USP34: variants seen among roughly 807,000 people sequenced by gnomAD.
USP34 encodes the protein ubiquitin carboxyl-terminal hydrolase 34.
Under a neutral mutation model 460.3 loss-of-function variants are expected in USP34, and 70 were observed. The observed-to-expected ratio is 0.15, with a 90% CI of 0.13 to 0.19. USP34 has a LOEUF of 0.19. Ranked by LOEUF, USP34 falls within the 10% of genes least tolerant of loss-of-function variation. The pLI is 1.00. For synonymous variants in USP34, 1,647 were observed against 1,405.3 expected, an observed-to-expected ratio of 1.17 and a Z score of -3.85; for missense variants, 3,985 against 4,236.2, an observed-to-expected ratio of 0.94 and a Z score of 1.65.
At chr2:61,195,299 C>A (rs774153133) in intron 75 of USP34, among the ~76,000 whole-genome samples, 2 of 151,314 alleles carry the variant, frequency 1.3e-5, no homozygotes, top group South Asian at 2.1e-4. Context: ...CTTGCATTGG[C>A]CTTTGAAAGT....
intron 2 of USP34, among the ~76,000 whole-genome samples, chr2:61,407,506 T>C (rs1693912193): frequency 6.6e-6 from 1 of 152,214 alleles, no homozygotes; most frequent in Non-Finnish European, 1.5e-5. Context: ...TCAAAACAAC[T>C]ATATTGTAGT....
intron 19 of USP34, among the ~76,000 whole-genome samples, chr2:61,333,385 A>C (rs919160182): frequency 6.6e-6 from 1 of 152,088 alleles, no homozygotes; most frequent in South Asian, 2.1e-4. Flanking sequence ...AAATGCTCCA[A>C]TGAATATTTC....
At chr2:61,445,175 A>G (rs1200800394) in intron 1 of USP34, among the ~76,000 whole-genome samples, 1 of 147,320 alleles carries the variant, frequency 6.8e-6, no homozygotes, top group East Asian at 2.0e-4. Context: ...AAACACACAC[A>G]CACAAAAAAA....
intron 21 of USP34, among the ~76,000 whole-genome samples, chr2:61,321,574 G>A (rs1232123072): frequency 6.6e-6 from 1 of 152,194 alleles, no homozygotes; most frequent in African/African-American, 2.4e-5. Context: ...CTAAATGAAT[G>A]TACCAGAAAC....
intron 1 of USP34, among the ~76,000 whole-genome samples, chr2:61,466,877 C>G (rs1243500325): frequency 6.7e-6 from 1 of 150,118 alleles, no homozygotes; most frequent in African/African-American, 2.5e-5. Context: ...GCATTCCAGC[C>G]TGGGTGAGAG....
chr2:61,414,772 A>G (rs1341244292), intron 2 of USP34, among the ~76,000 whole-genome samples: 1 of 152,168 alleles, frequency 6.6e-6, no homozygotes, highest in Non-Finnish European at 1.5e-5. Flanking sequence ...GGGTTTAAAT[A>G]CCCTCTAGAG....
In USP34 at chr2:61,265,968, AAAG is replaced by A. The variant is rs746253103; in HGVS notation, c.5617+13_5617+15del. 24 of 1,539,904 alleles carry A rather than the reference AAAG, an allele frequency of 1.6e-5. No homozygotes were observed. Among genetic ancestry groups the A allele is most frequent in the Non-Finnish European group, 2.0e-5 (23 of 1,136,242 alleles). On this transcript the variant is annotated intron_variant, in intron 42 of 79. Coordinates refer to ENST00000398571, the MANE Select transcript of USP34 (RefSeq NM_014709.4). ...TTCAAAATCTATAAAGATTAAAGGAAAAGAAGAATGCTTACACTGCATGTGTTG... is the reference window on the plus strand; with the variant it reads ...TTCAAAATCTATAAAGATTAAAGGAAAAGAATGCTTACACTGCATGTGTTG...
intron 6 of USP34, among the ~76,000 whole-genome samples, chr2:61,381,141 TC>T (rs1250533194): frequency 6.6e-6 from 1 of 150,812 alleles, no homozygotes; most frequent in African/African-American, 2.4e-5. Context: ...TGACCTTCCC[TC>T]CACTATTGTC....
At chr2:61,226,442 C>T (rs754628876) in intron 62 of USP34, among the ~76,000 whole-genome samples, 1 of 152,176 alleles carries the variant, frequency 6.6e-6, no homozygotes, top group African/African-American at 2.4e-5. Flanking sequence ...TGTACATACA[C>T]ATACACACAC....
At position 61,384,874 on chromosome 2, in the gene USP34, A is replaced by G. The variant is rs1056597381; in HGVS notation, c.754-1538T>C. Among the ~76,000 whole-genome samples the G allele has an allele frequency of 7.2e-5, 11 of 152,228 alleles. No homozygotes were observed. The South Asian group carries it at 8.3e-4, about 11-fold the overall frequency. On this transcript the variant is annotated intron_variant, in intron 5 of 79. Transcript: ENST00000398571. ...ACTTGAACTGAAGGACCTAGACAAT[A>G]TAAGTTAAGAAACTAAATAAAAGGC...
chr2:61,193,225 T>A, intron 75 of USP34: 1 of 311,622 alleles, frequency 3.2e-6, no homozygotes, highest in Non-Finnish European at 5.9e-6. Context: ...CAACTCTTCT[T>A]TTTTGAGTAT....
chr2:61,286,524 C>T (rs1689694913), intron 34 of USP34, among the ~76,000 whole-genome samples: 2 of 151,976 alleles, frequency 1.3e-5, no homozygotes, highest in South Asian at 2.1e-4. Flanking sequence ...CGCATGGTGG[C>T]GTGTGCCTGT....
In USP34 at chr2:61,228,955, G is replaced by C. The variant is rs750946292; in HGVS notation, c.7240C>G (p.Arg2414Gly). ...CTCACAAAGCGAGTGACACATGAAC[G>C]ACCACCAATATCTTCTACTGAGGTA... ...MDTSVEDIGGRSCVTRFVRTL... is the reference protein window; with the variant it reads ...MDTSVEDIGGGSCVTRFVRTL... Residue 2414 changes from arginine to glycine, a missense_variant, in exon 60 of 80, where the codon CGT becomes GGT. Arg to Gly is a moderately radical substitution (Grantham distance 125). This residue lies in a region of USP34 where 604 missense variants were observed against 684.8 expected (regional missense o/e 0.88). Coordinates refer to ENST00000398571, the MANE Select transcript of USP34 (RefSeq NM_014709.4). The C allele has an allele frequency of 7.5e-6, 12 of 1,606,510 alleles. No individual in the cohort carries two copies. Among genetic ancestry groups the C allele is most frequent in the African/African-American group, 2.7e-5 (2 of 74,570 alleles).
intron 7 of USP34, 25 bp from the exon 8 acceptor site, chr2:61,378,449 G>C: frequency 6.5e-7 from 1 of 1,547,478 alleles, no homozygotes; most frequent in Non-Finnish European, 8.7e-7. Context: ...AAGAAATTAA[G>C]GGTTTTTATT....
chr2:61,305,660 A>G (rs775136008), intron 27 of USP34, among the ~76,000 whole-genome samples: 3 of 152,198 alleles, frequency 2.0e-5, no homozygotes, highest in Admixed American at 6.5e-5. Context: ...AAGTTTGATA[A>G]AAGTTATAAT....
Position 61,212,627 on chromosome 2 carries a change from T to A in USP34, c.8683-698A>T, listed in dbSNP as rs567178126. 2.0e-4 allele frequency among the ~76,000 whole-genome samples: 31 copies of A among 152,320 alleles called. No individual in the cohort carries two copies. The South Asian group carries it at 6.0e-3, about 30-fold the overall frequency. On this transcript the variant is annotated intron_variant, in intron 68 of 79. Coordinates refer to ENST00000398571, the MANE Select transcript of USP34 (RefSeq NM_014709.4). ...TATGCACATGTCAGGAGAGGACTGC[T>A]CTTCTAACACATACTTGTCAATGAA...
intron 27 of USP34, among the ~76,000 whole-genome samples, chr2:61,305,046 A>G (rs1160171030): frequency 1.3e-5 from 2 of 152,066 alleles, no homozygotes; most frequent in Non-Finnish European, 2.9e-5. Flanking sequence ...CAGACGTAGG[A>G]CGGGTGTGGT....
intron 48 of USP34, chr2:61,250,176 C>T: frequency 6.2e-6 from 1 of 160,412 alleles, no homozygotes; most frequent in South Asian, 1.7e-4. Context: ...CAAGATCACA[C>T]CACTGCACTC....
chr2:61,327,178 A>T (rs1691122686), intron 20 of USP34, among the ~76,000 whole-genome samples: 2 of 152,186 alleles, frequency 1.3e-5, no homozygotes, highest in African/African-American at 4.8e-5. Context: ...CACTAAATTC[A>T]TTACTGAAGT....
Sources: gnomAD v4.1 joint callset for allele counts (sites outside exome capture counted in the v4.1 genomes callset) on GRCh38, gnomAD v4.1.1 for gene constraint, gnomAD v4.1.1 regional missense constraint, MANE v1.5 for transcripts, NCBI Gene and HGNC (gene_info 2026-07-23, HGNC 2026-07-21) for gene names.